The following CLSTN2 variants were observed in gnomAD, a reference collection of about 807,000 sequenced individuals.
CLSTN2 encodes calsyntenin-2.
A neutral mutation model predicts 101.2 loss-of-function variants in CLSTN2; 48 were observed. The ratio of observed to expected loss-of-function variants is 0.47; its 90% confidence interval spans 0.38 to 0.60. The LOEUF is 0.60. Ranked by LOEUF, CLSTN2 falls within the 20% of genes least tolerant of loss-of-function variation. CLSTN2 has a pLI of 0.00. For synonymous variants in CLSTN2, 481 were observed against 463.6 expected (o/e 1.04, Z -0.48); for missense variants, 1,160 against 1,238.2 (o/e 0.94, Z 0.95).
intron 1 of CLSTN2, among the ~76,000 whole-genome samples, chr3:139,990,092 G>A (rs1936092062): frequency 1.3e-5 from 2 of 152,218 alleles, no homozygotes; most frequent in South Asian, 4.1e-4. Context: ...TTGGAAGGCT[G>A]TGAGTCATTT....
At chr3:140,362,312 T>C (rs1225124628) in intron 2 of CLSTN2, among the ~76,000 whole-genome samples, 1 of 152,114 alleles carries the variant, frequency 6.6e-6, no homozygotes, top group Non-Finnish European at 1.5e-5. Context: ...AGACTAAAAA[T>C]GGATCATTAA....
At chr3:140,374,104 C>G (rs1010585797) in intron 2 of CLSTN2, among the ~76,000 whole-genome samples, 5 of 152,214 alleles carry the variant, frequency 3.3e-5, no homozygotes, top group African/African-American at 1.2e-4. Flanking sequence ...TGGCATCCTT[C>G]CTACACTTTC....
chr3:140,389,083 T>A, intron 2 of CLSTN2, among the ~76,000 whole-genome samples: 1 of 152,224 alleles, frequency 6.6e-6, no homozygotes, highest in East Asian at 1.9e-4. Context: ...TTTGCTAACA[T>A]GTATTATTAA....
intron 1 of CLSTN2, among the ~76,000 whole-genome samples, chr3:140,166,832 G>T (rs1270028336): frequency 6.6e-6 from 1 of 152,164 alleles, no homozygotes; most frequent in Non-Finnish European, 1.5e-5. Context: ...TAGTCCTAAA[G>T]GGGCATGATA....
chr3:140,337,552 A>G (rs2087455476), intron 2 of CLSTN2, among the ~76,000 whole-genome samples: 1 of 152,150 alleles, frequency 6.6e-6, no homozygotes, highest in South Asian at 2.1e-4. Context: ...GGTACCAGGG[A>G]GTTAGGATTT....
intron 1 of CLSTN2, among the ~76,000 whole-genome samples, chr3:140,067,727 G>T (rs749031311): frequency 1.5e-4 from 23 of 152,206 alleles, no homozygotes; most frequent in Non-Finnish European, 2.6e-4. Flanking sequence ...ATTTTAGGAA[G>T]GGATGTTTCC....
intron 2 of CLSTN2, among the ~76,000 whole-genome samples, chr3:140,231,145 G>A (rs2086368185): frequency 6.6e-6 from 1 of 152,126 alleles, no homozygotes; most frequent in Non-Finnish European, 1.5e-5. Flanking sequence ...TTATCCAGAG[G>A]TAGAAGGAAC....
At chr3:140,291,576 T>C (rs940812868) in intron 2 of CLSTN2, among the ~76,000 whole-genome samples, 1 of 151,988 alleles carries the variant, frequency 6.6e-6, no homozygotes. Context: ...TTTTATTCAT[T>C]GTTTCTGCCC....
At position 140,469,450 on chromosome 3, in the gene CLSTN2, A is replaced by G. The variant is rs576608122; in HGVS notation, c.1344+2719A>G. The stretch of plus-strand genomic sequence containing the variant: ...TTTCTCCTTACTCAGCTCCCTGTGT[A>G]GACAGAACCTTGCCAGAAGTTTCTT... On this transcript the variant is annotated intron_variant, in intron 8 of 16. Coordinates refer to ENST00000458420, the MANE Select transcript of CLSTN2 (RefSeq NM_022131.3). 1.6e-3 allele frequency among the ~76,000 whole-genome samples: 242 copies of G among 152,274 alleles called. 1 individual carries two copies. Among genetic ancestry groups the G allele is most frequent in the South Asian group, 6.7e-3 (32 of 4,806 alleles).
At chr3:140,034,046 A>G (rs781655381) in intron 1 of CLSTN2, among the ~76,000 whole-genome samples, 1 of 152,220 alleles carries the variant, frequency 6.6e-6, no homozygotes, top group Non-Finnish European at 1.5e-5. Context: ...TGTAAATGTG[A>G]TCAAATGTGT....
intron 2 of CLSTN2, among the ~76,000 whole-genome samples, chr3:140,191,782 T>C (rs971841365): frequency 2.6e-5 from 4 of 151,966 alleles, no homozygotes; most frequent in Non-Finnish European, 5.9e-5. Flanking sequence ...CACTATTTCA[T>C]ATTTAGTGCA....
chr3:139,979,954 G>C (rs1935887904), intron 1 of CLSTN2, among the ~76,000 whole-genome samples: 1 of 151,914 alleles, frequency 6.6e-6, no homozygotes, highest in South Asian at 2.1e-4. Flanking sequence ...TTTGACTCTT[G>C]TCTGTTTCTC....
At chr3:140,242,591 TG>T (rs990569912) in intron 2 of CLSTN2, among the ~76,000 whole-genome samples, 4 of 152,134 alleles carry the variant, frequency 2.6e-5, no homozygotes, top group African/African-American at 9.7e-5. Flanking sequence ...TCCACTTGGT[TG>T]GGAACTACAG....
chr3:140,233,816 A>T (rs968414898), intron 2 of CLSTN2, among the ~76,000 whole-genome samples: 1 of 152,184 alleles, frequency 6.6e-6, no homozygotes, highest in African/African-American at 2.4e-5. Flanking sequence ...CCTCTTCCAG[A>T]GGGGAACAGC....
At chr3:140,359,038 G>A (rs1332656292) in intron 2 of CLSTN2, among the ~76,000 whole-genome samples, 2 of 151,854 alleles carry the variant, frequency 1.3e-5, no homozygotes, top group African/African-American at 4.8e-5. Context: ...GTCGTTCAAA[G>A]TGTCACCTCT....
At chr3:140,016,118 C>A (rs2107753539) in intron 1 of CLSTN2, among the ~76,000 whole-genome samples, 1 of 152,280 alleles carries the variant, frequency 6.6e-6, no homozygotes, top group African/African-American at 2.4e-5. Context: ...AGGGTAGTGG[C>A]ATGTGCAGAG....
intron 1 of CLSTN2, among the ~76,000 whole-genome samples, chr3:140,083,664 C>T (rs1342851118): frequency 3.9e-5 from 6 of 152,202 alleles, no homozygotes; most frequent in South Asian, 2.1e-4. Context: ...GCTTGTGCTA[C>T]GTGGCACATG....
chr3:140,159,984 A>G (rs2107819282), intron 1 of CLSTN2, among the ~76,000 whole-genome samples: 1 of 152,196 alleles, frequency 6.6e-6, no homozygotes, highest in South Asian at 2.1e-4. Context: ...AAAGACAGAA[A>G]CAATAGATAC....
intron 1 of CLSTN2, among the ~76,000 whole-genome samples, chr3:140,008,566 A>G (rs968072445): frequency 1.4e-4 from 22 of 152,358 alleles, no homozygotes; most frequent in African/African-American, 5.3e-4. Context: ...TCCGGGGCCC[A>G]GTTCCCGCCA....
Sources: gnomAD v4.1 joint callset for allele counts (sites outside exome capture counted in the v4.1 genomes callset) on GRCh38, gnomAD v4.1.1 for gene constraint, MANE v1.5 for transcripts, NCBI Gene and HGNC (gene_info 2026-07-23, HGNC 2026-07-21) for gene names.